CLUAP1: variants seen among roughly 807,000 people sequenced by gnomAD.
CLUAP1 encodes intraflagellar transport 38.
A neutral mutation model predicts 55.0 loss-of-function variants in CLUAP1; 50 were observed. That is an observed-to-expected ratio of 0.91 (90% CI 0.72 to 1.15). CLUAP1 has a LOEUF of 1.15. Ranked by LOEUF, CLUAP1 falls within the 50% of genes most tolerant of loss-of-function variation. The pLI is 0.00. For synonymous variants in CLUAP1, 195 were observed against 175.4 expected, an observed-to-expected ratio of 1.11 and a Z score of -0.88; for missense variants, 530 against 507.6, an observed-to-expected ratio of 1.04 and a Z score of -0.42.
At position 3,523,313 on chromosome 16, in the gene CLUAP1, G is replaced by C; in HGVS notation, c.855+14G>C. ...GAAAGGTTTGAGGTGAGCTGAGCCT[G>C]TCCTCTGTTCAGCCATTCCTTCTGG... On this transcript the variant is annotated intron_variant, in intron 8 of 11. Transcript: ENST00000576634. The C allele has an allele frequency of 6.2e-7, 1 of 1,603,842 alleles. No homozygotes were observed. The highest frequency in any genetic ancestry group is 1.3e-5 in the African/African-American group (1 of 74,556).
chr16:3,504,657 C>T, intron 1 of CLUAP1, 63 bp from the exon 2 acceptor site: 1 of 920,922 alleles, frequency 1.1e-6, no homozygotes, highest in Non-Finnish European at 1.8e-6. Flanking sequence ...AAGACAATAT[C>T]TAAGTTAATA....
intron 7 of CLUAP1, among the ~76,000 whole-genome samples, 176 bp downstream of exon 7, chr16:3,520,212 A>G (rs1035246524): frequency 3.3e-5 from 5 of 151,806 alleles, no homozygotes; most frequent in African/African-American, 1.2e-4. Context: ...ATCTCTAAAA[A>G]TTTTTAAAAA....
intron 6 of CLUAP1, among the ~76,000 whole-genome samples, chr16:3,518,008 C>T (rs1049663493): frequency 6.6e-6 from 1 of 152,042 alleles, no homozygotes; most frequent in South Asian, 2.1e-4. Flanking sequence ...TGGAGTTAGA[C>T]GGTGGTAGTG....
chr16:3,536,082 GGCA>G, intron 11 of CLUAP1, 37 bp from the exon 12 acceptor site: 1 of 1,606,768 alleles, frequency 6.2e-7, no homozygotes, highest in Non-Finnish European at 8.5e-7. Context: ...TCAGGAATGA[GGCA>G]GGATCCCCCG....
intron 11 of CLUAP1, chr16:3,533,257 C>A: frequency 1.1e-6 from 1 of 893,760 alleles, no homozygotes; most frequent in Non-Finnish European, 1.8e-6. Context: ...CTCTCCTGGG[C>A]AAAAAGGCCA....
intron 11 of CLUAP1, 169 bp downstream of exon 11, chr16:3,533,010 C>T (rs1350353705): frequency 1.2e-5 from 16 of 1,377,892 alleles, no homozygotes; most frequent in Non-Finnish European, 1.6e-5. Context: ...CTCTTCGTTG[C>T]TCGTGGATGG....
chr16:3,510,739 A>G (rs1370427864), intron 4 of CLUAP1, among the ~76,000 whole-genome samples: 1 of 152,180 alleles, frequency 6.6e-6, no homozygotes, highest in Non-Finnish European at 1.5e-5. Context: ...ACATGTGGCT[A>G]TTGGTTACTA....
intron 5 of CLUAP1, among the ~76,000 whole-genome samples, chr16:3,513,476 G>A (rs562396587): frequency 6.6e-6 from 1 of 152,058 alleles, no homozygotes; most frequent in African/African-American, 2.4e-5. Context: ...TTTTGAGACA[G>A]TCTCACTCTG....
At chr16:3,505,583 A>T (rs1163799234) in intron 2 of CLUAP1, among the ~76,000 whole-genome samples, 10 of 151,686 alleles carry the variant, frequency 6.6e-5, no homozygotes, top group Non-Finnish European at 1.5e-4. Flanking sequence ...AGTGGAGTTT[A>T]AAGAATGCTG....
At chr16:3,517,051 A>C (rs987101364) in intron 6 of CLUAP1, among the ~76,000 whole-genome samples, 3 of 152,200 alleles carry the variant, frequency 2.0e-5, no homozygotes, top group African/African-American at 4.8e-5. Context: ...TAAAAAAATA[A>C]ATGAATATTG....
At position 3,512,508 on chromosome 16, in the gene CLUAP1, C is replaced by T. The variant is rs75116753; in HGVS notation, c.495+30C>T. The T allele has an allele frequency of 4.7e-4, 709 of 1,507,606 alleles. No individual in the cohort carries two copies. In the African/African-American group the frequency reaches 8.0e-3, roughly 17 times the overall value. 93.4% of individuals were successfully genotyped at this position (1,507,606 alleles called of 1,614,324 possible). ...GCATTCCAGTACTTCCTTAACCATG[C>T]AGATTTTCTCTTCAAGGTTTTCTTT... On this transcript the variant is annotated intron_variant, in intron 5 of 11. Transcript: ENST00000576634.
chr16:3,495,773 G>T, the CLUAP1 span, among the ~76,000 whole-genome samples: 1 of 152,148 alleles, frequency 6.6e-6, no homozygotes, highest in Admixed American at 6.5e-5. Flanking sequence ...GAGGGTTCAG[G>T]AGTACAGACC....
Position 3,530,574 on chromosome 16 carries a change from A to T in CLUAP1, c.935A>T (p.Asp312Val). Residue 312 changes from aspartate to valine, a missense_variant, in exon 10 of 12, where the codon GAT becomes GTT. Coordinates refer to ENST00000576634, the MANE Select transcript of CLUAP1 (RefSeq NM_015041.3). ...CTGCTTGTGTTCCTGCTAGGTAACG[A>T]TGACTCGGACATAGACATCCAGGAG... ...EKRLLKSGSN[D>V]DSDIDIQEDD... 2 of 1,613,752 alleles carry T rather than the reference A, an allele frequency of 1.2e-6. No individual in the cohort carries two copies. The highest frequency in any genetic ancestry group is 1.7e-6 in the Non-Finnish European group (2 of 1,179,760).
chr16:3,505,159 A>G (rs2037478445), intron 2 of CLUAP1, among the ~76,000 whole-genome samples: 1 of 152,112 alleles, frequency 6.6e-6, no homozygotes, highest in African/African-American at 2.4e-5. Context: ...GGATCACTTG[A>G]TCCCAGGAGT....
At chr16:3,505,821 A>G (rs888504423) in intron 2 of CLUAP1, among the ~76,000 whole-genome samples, 4 of 152,196 alleles carry the variant, frequency 2.6e-5, no homozygotes, top group African/African-American at 9.6e-5. Context: ...ACCAGATAAT[A>G]TTTTACCTTT....
At chr16:3,499,226 T>C (rs1001418354), upstream of CLUAP1, among the ~76,000 whole-genome samples, 22 of 152,224 alleles carry the variant, frequency 1.4e-4, no homozygotes, top group African/African-American at 5.3e-4. Flanking sequence ...GCGTCTGTAA[T>C]CCCAGCTCCT....
chr16:3,507,249 C>T (rs1191348017), intron 3 of CLUAP1, among the ~76,000 whole-genome samples: 5 of 150,858 alleles, frequency 3.3e-5, no homozygotes. Context: ...TAACATATTT[C>T]ATGGCTCACA....
intron 8 of CLUAP1, among the ~76,000 whole-genome samples, chr16:3,525,859 G>A (rs559101426): frequency 2.6e-5 from 4 of 152,170 alleles, no homozygotes; most frequent in East Asian, 3.9e-4. Context: ...GAGCCACCAC[G>A]CCCAGCCCCC....
intron 9 of CLUAP1, among the ~76,000 whole-genome samples, chr16:3,529,648 T>TA (rs2038046701): frequency 8.8e-5 from 2 of 22,842 alleles, no homozygotes; most frequent in African/African-American, 7.6e-4. Context: ...ATATATTATA[T>TA]ATTATTATAT....
Sources: gnomAD v4.1 joint callset for allele counts (sites outside exome capture counted in the v4.1 genomes callset) on GRCh38, gnomAD v4.1.1 for gene constraint, MANE v1.5 for transcripts, NCBI Gene and HGNC (gene_info 2026-07-23, HGNC 2026-07-21) for gene names.